Variants in ADAMTS20 observed in about 807,000 individuals in gnomAD.
ADAMTS20 encodes A disintegrin and metalloproteinase with thrombospondin motifs 20.
ADAMTS20 carries 225 observed loss-of-function variants against 260.1 expected under a neutral mutation model. The ratio of observed to expected loss-of-function variants is 0.87; its 90% CI spans 0.78 to 0.97. The LOEUF is 0.97. Among genes scored for constraint, ADAMTS20 ranks in the 50% least tolerant of loss-of-function variants. The probability of loss-of-function intolerance (pLI) is 0.00; values close to 1 mark genes in which losing one functional copy is unlikely to be tolerated. For synonymous variants in ADAMTS20, 802 were observed against 769.5 expected, an observed-to-expected ratio of 1.04 and a Z score of -0.70; for missense variants, 2,400 against 2,337.7, an observed-to-expected ratio of 1.03 and a Z score of -0.55.
rs183364422 is a variant in ADAMTS20, at chr12:43,434,835, G to A, written c.2594-464C>T. Among the ~76,000 whole-genome samples the A allele has an allele frequency of 2.0e-3, 305 of 152,274 alleles. 1 individual carries two copies. The highest frequency in any genetic ancestry group is 6.8e-3 in the Middle Eastern group (2 of 294). The stretch of plus-strand genomic sequence containing the variant: ...AACTCTTTCCTGTTGATTGGCATCA[G>A]GCTTTTTATCAACCGACTGAAAAGG... On this transcript the variant is annotated intron_variant, in intron 18 of 38. Transcript: ENST00000389420.
At chr12:43,383,096 G>A (rs1431514746) in intron 31 of ADAMTS20, among the ~76,000 whole-genome samples, 1 of 152,066 alleles carries the variant, frequency 6.6e-6, no homozygotes, top group South Asian at 2.1e-4. Flanking sequence ...TGGGTGAGGA[G>A]GGAAAAGAGA....
At chr12:43,391,803 T>C (rs1339062828) in intron 29 of ADAMTS20, among the ~76,000 whole-genome samples, 2 of 152,148 alleles carry the variant, frequency 1.3e-5, no homozygotes, top group African/African-American at 2.4e-5. Flanking sequence ...GAAAAAAATT[T>C]AAAGCCCACA....
intron 37 of ADAMTS20, among the ~76,000 whole-genome samples, chr12:43,364,288 C>T (rs1374470552): frequency 6.6e-6 from 1 of 152,046 alleles, no homozygotes; most frequent in Non-Finnish European, 1.5e-5. Flanking sequence ...AATACAGTAC[C>T]TGAAATGTCC....
chr12:43,375,397 TGA>T lies in ADAMTS20; in HGVS notation c.5426_5427del (p.Leu1809HisfsTer6), dbSNP rs769794481. ...CACTTACTTTTAATTTGCATGGAAGTGAGATCAATTCTTATTTTGCTGAAAAC... is the reference window on the plus strand; with the variant it reads ...CACTTACTTTTAATTTGCATGGAAGTGATCAATTCTTATTTTGCTGAAAAC... ...YTVFSKIRID[L>X]TSMQIKTTDL... On this transcript the variant is annotated frameshift_variant, in exon 36 of 39. Coordinates refer to ENST00000389420, the MANE Select transcript of ADAMTS20 (RefSeq NM_025003.5). LOFTEE classifies it high-confidence loss of function. 16 of 1,612,870 alleles carry T rather than the reference TGA, an allele frequency of 9.9e-6. No homozygotes were observed. Among genetic ancestry groups the T allele is most frequent in the Non-Finnish European group, 2.5e-6 (3 of 1,179,534 alleles).
chr12:43,493,823 A>C (rs17615723), intron 4 of ADAMTS20, among the ~76,000 whole-genome samples: 18,262 of 152,200 alleles, frequency 0.12, 1,252 homozygotes, highest in Admixed American at 0.22. Context: ...TTATTTTTAA[A>C]GTTTAGCATC....
chr12:43,448,190 C>A (rs900415781), intron 14 of ADAMTS20, among the ~76,000 whole-genome samples: 8 of 152,050 alleles, frequency 5.3e-5, no homozygotes, highest in African/African-American at 1.9e-4. Context: ...CAAAGAAATC[C>A]TAACCAAAAA....
intron 28 of ADAMTS20, among the ~76,000 whole-genome samples, chr12:43,421,282 C>CAAAAAAAAAAAA (rs61465679): frequency 4.0e-4 from 48 of 118,876 alleles, no homozygotes; most frequent in Admixed American, 1.7e-3. Flanking sequence ...CTTTCATTTA[C>CAAAAAAAAAAAA]AAAAAAAAAA....
chr12:43,491,788 A>C (rs1252888929), intron 6 of ADAMTS20, among the ~76,000 whole-genome samples: 1 of 152,192 alleles, frequency 6.6e-6, no homozygotes, highest in Non-Finnish European at 1.5e-5. Flanking sequence ...AAGTGGACAA[A>C]CGAAAGAAGA....
chr12:43,477,932 G>A (rs1219400504), intron 7 of ADAMTS20, among the ~76,000 whole-genome samples: 1 of 152,106 alleles, frequency 6.6e-6, no homozygotes, highest in African/African-American at 2.4e-5. Context: ...CTAGAAGAAA[G>A]CACACACTTT....
intron 29 of ADAMTS20, among the ~76,000 whole-genome samples, chr12:43,387,732 C>T (rs1382356220): frequency 6.6e-6 from 1 of 152,208 alleles, no homozygotes; most frequent in Non-Finnish European, 1.5e-5. Context: ...AGCGGCAAAG[C>T]TGCAAGCTAG....
chr12:43,453,175 A>T (rs1354315444), intron 12 of ADAMTS20, among the ~76,000 whole-genome samples: 1 of 152,126 alleles, frequency 6.6e-6, no homozygotes, highest in East Asian at 1.9e-4. Flanking sequence ...TGGAAAATAA[A>T]ATTTTTTGCA....
At chr12:43,541,208 C>T (rs1255576748) in intron 2 of ADAMTS20, among the ~76,000 whole-genome samples, 1 of 152,072 alleles carries the variant, frequency 6.6e-6, no homozygotes, top group African/African-American at 2.4e-5. Flanking sequence ...TTTCCATCTT[C>T]AATCATAAAT....
chr12:43,457,012 C>T (rs202031292), intron 11 of ADAMTS20, among the ~76,000 whole-genome samples: 1 of 152,178 alleles, frequency 6.6e-6, no homozygotes, highest in South Asian at 2.1e-4. Context: ...GAGAGCTGAA[C>T]ATACTGACAT....
intron 11 of ADAMTS20, among the ~76,000 whole-genome samples, chr12:43,456,975 A>T (rs1465608531): frequency 6.6e-6 from 1 of 152,214 alleles, no homozygotes; most frequent in Non-Finnish European, 1.5e-5. Context: ...AGGAAGTTAA[A>T]CTTTAAAATG....
chr12:43,506,481 CT>C (rs760918178), intron 3 of ADAMTS20, among the ~76,000 whole-genome samples: 2,963 of 144,252 alleles, frequency 0.021, 79 homozygotes, highest in African/African-American at 0.067. Context: ...CTCATGTTAC[CT>C]TTTTTTTTTT....
In ADAMTS20 at chr12:43,487,726, T is replaced by C. The variant is rs187110008; in HGVS notation, c.1117+2669A>G. On this transcript the variant is annotated intron_variant, in intron 7 of 38. Coordinates refer to ENST00000389420, the MANE Select transcript of ADAMTS20 (RefSeq NM_025003.5). ...TTTTGAGAACTTGACATGCTGATTCTAAAACTTCCACAGATGAACAAAAGT... is the reference window on the plus strand; with the variant it reads ...TTTTGAGAACTTGACATGCTGATTCCAAAACTTCCACAGATGAACAAAAGT... 5.5e-3 allele frequency among the ~76,000 whole-genome samples: 830 copies of C among 152,262 alleles called. 8 individuals are homozygous for C. The highest frequency in any genetic ancestry group is 0.018 in the African/African-American group (750 of 41,568).
chr12:43,434,636 T>C (rs1316297925), intron 18 of ADAMTS20, among the ~76,000 whole-genome samples: 2 of 152,174 alleles, frequency 1.3e-5, no homozygotes, highest in South Asian at 2.1e-4. Flanking sequence ...AAATTCACTA[T>C]AGTGGGATAG....
At chr12:43,464,459 C>A (rs1942118022) in intron 10 of ADAMTS20, 132 bp downstream of exon 10, 2 of 1,181,762 alleles carry the variant, frequency 1.7e-6, no homozygotes, top group South Asian at 3.3e-5. Context: ...TTCTTAACCT[C>A]TTTTTGATAA....
At chr12:43,430,159 A>AG (rs943843902) in intron 23 of ADAMTS20, among the ~76,000 whole-genome samples, 193 bp downstream of exon 23, 3 of 151,916 alleles carry the variant, frequency 2.0e-5, no homozygotes, top group African/African-American at 7.3e-5. Context: ...AAAAAAAAAA[A>AG]TTCATTGATA....
Sources: allele counts gnomAD v4.1 joint callset (sites outside exome capture counted in the v4.1 genomes callset), GRCh38; gene constraint gnomAD v4.1.1; transcripts MANE v1.5; gene names NCBI Gene and HGNC (gene_info 2026-07-23, HGNC 2026-07-21).